The following TPST1 variants were observed in gnomAD, a reference collection of about 807,000 sequenced individuals.
TPST1 encodes the protein tyrosylprotein sulfotransferase 1, also known as protein-tyrosine sulfotransferase 1.
In TPST1, 20 loss-of-function variants were observed where a neutral mutation model predicts 34.8. That is an observed-to-expected ratio of 0.57 (90% CI 0.40 to 0.84). TPST1 has a LOEUF of 0.84. Among genes scored for constraint, TPST1 ranks in the 40% least tolerant of loss-of-function variants. TPST1 has a pLI of 0.00. For synonymous variants in TPST1, 152 were observed against 159.4 expected (o/e 0.95, Z 0.35); for missense variants, 353 against 455.5 (o/e 0.78, Z 2.05).
intron 1 of TPST1, among the ~76,000 whole-genome samples, chr7:66,232,592 T>C (rs538386670): frequency 9.4e-4 from 143 of 152,056 alleles, no homozygotes; most frequent in Non-Finnish European, 1.8e-3. Flanking sequence ...CTCCTGACCT[T>C]GTGATCCACC....
chr7:66,250,949 T>C (rs1390288840), intron 2 of TPST1, among the ~76,000 whole-genome samples: 3 of 152,204 alleles, frequency 2.0e-5, no homozygotes, highest in African/African-American at 7.2e-5. Flanking sequence ...TACATCCCAG[T>C]CTAGACAGAG....
chr7:66,218,247 C>A (rs937076735), intron 1 of TPST1, among the ~76,000 whole-genome samples: 30 of 152,102 alleles, frequency 2.0e-4, no homozygotes, highest in African/African-American at 7.2e-4. Context: ...TGTGATCCTT[C>A]CTTGAAATGC....
chr7:66,278,221 T>C (rs10257427), intron 2 of TPST1, among the ~76,000 whole-genome samples: 90,060 of 151,204 alleles, frequency 0.6, 27,135 homozygotes, highest in African/African-American at 0.68. Context: ...TATTTTGAGG[T>C]ATAGTTGATA....
At chr7:66,281,572 T>C (rs1790932885) in intron 2 of TPST1, among the ~76,000 whole-genome samples, 2 of 152,214 alleles carry the variant, frequency 1.3e-5, no homozygotes, top group Admixed American at 1.3e-4. Context: ...CATTTTAAAA[T>C]CTTCTTTCAC....
chr7:66,275,576 G>A (rs1051618052), intron 2 of TPST1, among the ~76,000 whole-genome samples: 1 of 152,124 alleles, frequency 6.6e-6, no homozygotes, highest in East Asian at 1.9e-4. Flanking sequence ...TTGCAACATC[G>A]TTAATAAACC....
intron 2 of TPST1, among the ~76,000 whole-genome samples, chr7:66,277,575 A>G (rs1011893664): frequency 2.0e-5 from 3 of 152,192 alleles, no homozygotes; most frequent in Non-Finnish European, 4.4e-5. Context: ...GATGAAAACT[A>G]TTCAGAATAG....
the TPST1 span, among the ~76,000 whole-genome samples, chr7:66,200,156 A>G: frequency 6.6e-6 from 1 of 152,152 alleles, no homozygotes; most frequent in Non-Finnish European, 1.5e-5. Context: ...TCCCTCCAGG[A>G]GGTGAGGTTG....
intron 1 of TPST1, among the ~76,000 whole-genome samples, chr7:66,210,208 A>G (rs1207622585): frequency 6.6e-6 from 1 of 152,202 alleles, no homozygotes; most frequent in African/African-American, 2.4e-5. Flanking sequence ...TGACATACTG[A>G]GTTCAGGCTT....
At chr7:66,232,063 C>CTTTTTGG in intron 1 of TPST1, among the ~76,000 whole-genome samples, 1 of 152,068 alleles carries the variant, frequency 6.6e-6, no homozygotes. Flanking sequence ...GTTGTTTCTA[C>CTTTTTGG]TTTTTGGCTA....
chr7:66,355,577 CATAG>C (rs890913636), intron 4 of TPST1, among the ~76,000 whole-genome samples: 8 of 151,748 alleles, frequency 5.3e-5, no homozygotes, highest in African/African-American at 1.9e-4. Flanking sequence ...GCCTGGACAA[CATAG>C]CAAGACCCTA....
upstream of TPST1, among the ~76,000 whole-genome samples, chr7:66,200,420 C>CTTT (rs35086138): frequency 2.2e-5 from 3 of 136,576 alleles, no homozygotes; most frequent in Non-Finnish European, 4.7e-5. Context: ...GTGAAGTTAT[C>CTTT]TTTTTTTTTT....
In TPST1 at chr7:66,332,384, C is replaced by T. The variant is rs1023000068; in HGVS notation, c.1045-20121C>T. ...CTGAGTTCAAGCGATTCTCCTGCCT[C>T]AGCCTCCCGAGTAGCTGGGATTACA... On this transcript the variant is annotated intron_variant, in intron 3 of 5. Coordinates refer to ENST00000304842, the MANE Select transcript of TPST1 (RefSeq NM_003596.4). This position sits in a 1 kb window ranked among gnomAD's most constrained non-coding sequence, Gnocchi z 4.5. Among the ~76,000 whole-genome samples, 1 of 151,994 alleles carries T rather than the reference C, an allele frequency of 6.6e-6. No individual in the cohort carries two copies. The highest frequency in any genetic ancestry group is 2.4e-5 in the African/African-American group (1 of 41,382).
At chr7:66,344,767 AG>A (rs556016654) in intron 3 of TPST1, among the ~76,000 whole-genome samples, 1 of 141,782 alleles carries the variant, frequency 7.1e-6, no homozygotes, top group Non-Finnish European at 1.5e-5. Flanking sequence ...TCTGTCGCCC[AG>A]GCTGGAGTAC....
chr7:66,354,622 A>G (rs181400647), intron 4 of TPST1, among the ~76,000 whole-genome samples: 259 of 152,076 alleles, frequency 1.7e-3, no homozygotes, highest in Admixed American at 2.9e-3. Flanking sequence ...AACTAAAGGG[A>G]CACTCCTGCT....
At chr7:66,199,658 C>T in the TPST1 span, among the ~76,000 whole-genome samples, 2 of 151,590 alleles carry the variant, frequency 1.3e-5, no homozygotes, top group African/African-American at 4.8e-5. Context: ...ACCATCTTCC[C>T]TCCGTGCCAG....
intron 1 of TPST1, among the ~76,000 whole-genome samples, chr7:66,237,839 A>C (rs1789942057): frequency 6.6e-6 from 1 of 152,166 alleles, no homozygotes; most frequent in Non-Finnish European, 1.5e-5. Context: ...TTGATGTTGC[A>C]GTCTTGTTCC....
rs573200695 is a variant in TPST1 at position 66,355,902 on chromosome 7, C to CAAAAAA, written c.1096-905_1096-900dup. 3.0e-4 allele frequency among the ~76,000 whole-genome samples: 17 copies of CAAAAAA among 56,900 alleles called. 1 individual carries two copies. Among genetic ancestry groups the CAAAAAA allele is most frequent in the African/African-American group, 1.1e-3 (15 of 14,106 alleles). The allele number at this position is 56,900 out of a possible 152,430, so 37.3% of individuals were successfully genotyped here. A position where few individuals can be genotyped will look rare whatever the true frequency, so the allele number is the denominator to read the frequency against. ...CCTGGGTGACAGAGCAAGACTCCAT[C>CAAAAAA]AAAAAAAAAAAAAAAAAAAAAAAGG... On this transcript the variant is annotated intron_variant, in intron 4 of 5. Coordinates refer to ENST00000304842, the MANE Select transcript of TPST1 (RefSeq NM_003596.4).
intron 1 of TPST1, among the ~76,000 whole-genome samples, chr7:66,231,086 A>G (rs1411620648): frequency 6.6e-6 from 1 of 152,084 alleles, no homozygotes; most frequent in Non-Finnish European, 1.5e-5. Flanking sequence ...CCTGAGCTAG[A>G]CATAAAGGTT....
At chr7:66,246,017 GT>G (rs997540079) in intron 2 of TPST1, among the ~76,000 whole-genome samples, 26 of 146,356 alleles carry the variant, frequency 1.8e-4, no homozygotes, top group African/African-American at 5.5e-4. Flanking sequence ...GTCTTTTTTG[GT>G]TTTTTTTTTG....
Sources: gnomAD v4.1 joint callset for allele counts (sites outside exome capture counted in the v4.1 genomes callset) on GRCh38, gnomAD v4.1.1 for gene constraint, Gnocchi (gnomAD v3.1) non-coding constraint, MANE v1.5 for transcripts, NCBI Gene and HGNC (gene_info 2026-07-23, HGNC 2026-07-21) for gene names.